Variants in CNTN3 observed in about 807,000 individuals in gnomAD.
CNTN3 encodes the protein contactin 3, also known as contactin-3.
Under a neutral mutation model 119.1 loss-of-function variants are expected in CNTN3, and 60 were observed. The observed-to-expected ratio is 0.50, with a 90% CI of 0.41 to 0.62. The LOEUF is 0.62. CNTN3 is among the 20% of genes least tolerant of loss of function. The probability of loss-of-function intolerance (pLI) is 0.00; values close to 1 mark genes in which losing one functional copy is unlikely to be tolerated. For missense variants in CNTN3, 1,101 were observed against 1,242.4 expected (o/e 0.89, Z 1.71); for synonymous variants, 450 against 438.7 (o/e 1.03, Z -0.32).
chr3:74,568,118 G>A (rs1368893787), intron 1 of CNTN3, among the ~76,000 whole-genome samples: 1 of 152,020 alleles, frequency 6.6e-6, no homozygotes, highest in Admixed American at 6.6e-5. Context: ...GATTCCCAGT[G>A]GGTCCAATTC....
rs58176286 is a variant in CNTN3, at chr3:74,488,214, G to A, written c.183-1583C>T. Among the ~76,000 whole-genome samples the A allele has an allele frequency of 9.9e-3, 1,498 of 151,944 alleles. 22 individuals carry two copies. The highest frequency in any genetic ancestry group is 0.033 in the African/African-American group (1,386 of 41,476). ...GGCAAGCTCTGCCTCCTGAGCTCAC[G>A]CCATTCTCCTGCCTCAGCCTCCAGA... On this transcript the variant is annotated intron_variant, in intron 3 of 22. Coordinates refer to ENST00000263665, the MANE Select transcript of CNTN3 (RefSeq NM_020872.3).
chr3:74,286,701 T>C (rs2106785586), intron 19 of CNTN3, among the ~76,000 whole-genome samples: 2 of 152,318 alleles, frequency 1.3e-5, no homozygotes, highest in African/African-American at 4.8e-5. Flanking sequence ...AATTTTCCTA[T>C]TGCAAATTCA....
intron 4 of CNTN3, among the ~76,000 whole-genome samples, chr3:74,458,864 C>T (rs535516591): frequency 1.3e-5 from 2 of 152,046 alleles, no homozygotes; most frequent in African/African-American, 2.4e-5. Flanking sequence ...CTGGTCTGTT[C>T]GGTTCCAAAG....
intron 4 of CNTN3, among the ~76,000 whole-genome samples, chr3:74,430,506 G>A (rs550728919): frequency 6.6e-6 from 1 of 152,302 alleles, no homozygotes; most frequent in South Asian, 2.1e-4. Flanking sequence ...AACTCCAGAG[G>A]CTGAGGTAGG....
chr3:74,504,863 C>T (rs374883994), intron 2 of CNTN3, among the ~76,000 whole-genome samples: 15 of 152,058 alleles, frequency 9.9e-5, no homozygotes, highest in African/African-American at 3.6e-4. Context: ...TATTCATTTT[C>T]TAGGGTTGCT....
At chr3:74,423,762 C>A (rs943903953) in intron 5 of CNTN3, among the ~76,000 whole-genome samples, 6 of 152,160 alleles carry the variant, frequency 3.9e-5, no homozygotes, top group East Asian at 1.9e-4. Context: ...ACAATTTAAA[C>A]CCACAGCAGA....
At chr3:74,352,940 G>A (rs1469907653) in intron 11 of CNTN3, among the ~76,000 whole-genome samples, 1 of 151,760 alleles carries the variant, frequency 6.6e-6, no homozygotes, top group Non-Finnish European at 1.5e-5. Context: ...GGTAGACCAC[G>A]GATGTAGAAG....
intron 11 of CNTN3, among the ~76,000 whole-genome samples, chr3:74,356,969 G>A (rs1294154618): frequency 6.6e-6 from 1 of 152,096 alleles, no homozygotes; most frequent in Non-Finnish European, 1.5e-5. Context: ...TGTCGCCCAG[G>A]CTGGAGTGCA....
At chr3:74,595,379 C>G (rs1240048240) in intron 1 of CNTN3, among the ~76,000 whole-genome samples, 15 of 151,902 alleles carry the variant, frequency 9.9e-5, no homozygotes, top group African/African-American at 3.6e-4. Context: ...ATGCCTATGT[C>G]CTGAATGGTA....
chr3:74,357,763 A>C (rs1297370897), intron 11 of CNTN3, among the ~76,000 whole-genome samples: 1 of 152,134 alleles, frequency 6.6e-6, no homozygotes, highest in Non-Finnish European at 1.5e-5. Flanking sequence ...CGACAAGTCC[A>C]AATTAACCAC....
At chr3:74,275,879 C>G (rs1701869417) in intron 20 of CNTN3, among the ~76,000 whole-genome samples, 1 of 152,094 alleles carries the variant, frequency 6.6e-6, no homozygotes, top group South Asian at 2.1e-4. Flanking sequence ...AAACAAATAT[C>G]TGCTGCCTTC....
intron 18 of CNTN3, among the ~76,000 whole-genome samples, chr3:74,296,342 C>G (rs1306046373): frequency 6.6e-6 from 1 of 152,164 alleles, no homozygotes; most frequent in African/African-American, 2.4e-5. Flanking sequence ...CCTGGATGCA[C>G]AGGTAAACAG....
intron 1 of CNTN3, among the ~76,000 whole-genome samples, chr3:74,585,698 A>T (rs182172148): frequency 2.0e-5 from 3 of 152,156 alleles, no homozygotes; most frequent in Non-Finnish European, 4.4e-5. Flanking sequence ...AATTCAAGAC[A>T]CTTAACTTGA....
chr3:74,357,119 G>T (rs1280962235), intron 11 of CNTN3, among the ~76,000 whole-genome samples: 1 of 151,814 alleles, frequency 6.6e-6, no homozygotes, highest in Non-Finnish European at 1.5e-5. Flanking sequence ...GTACAGACAG[G>T]GTTTCACCGT....
At chr3:74,293,692 C>A (rs751316406) in intron 19 of CNTN3, among the ~76,000 whole-genome samples, 2 of 152,126 alleles carry the variant, frequency 1.3e-5, no homozygotes, top group East Asian at 3.9e-4. Context: ...CCAGGCCAGT[C>A]GTGAAATCCT....
At position 74,263,479 on chromosome 3, in the gene CNTN3, G is replaced by A. The variant is rs1701613487; in HGVS notation, c.*922C>T. The A allele has an allele frequency of 1.3e-5, 2 of 151,888 alleles. No individual in the cohort carries two copies. The highest frequency in any genetic ancestry group is 4.2e-4 in the South Asian group (2 of 4,810). 9.4% of individuals were successfully genotyped at this position (151,888 alleles called of 1,614,324 possible). ...CTCTAGGTTTTAATAAAACCTGAAA[G>A]CTTATTCATAGCTGTGAAGGAAACA... On this transcript the variant is annotated 3_prime_UTR_variant, in exon 23 of 23. Coordinates refer to ENST00000263665, the MANE Select transcript of CNTN3 (RefSeq NM_020872.3).
At chr3:74,462,854 A>G (rs964666996) in intron 4 of CNTN3, among the ~76,000 whole-genome samples, 1 of 152,124 alleles carries the variant, frequency 6.6e-6, no homozygotes, top group Non-Finnish European at 1.5e-5. Flanking sequence ...AAAGACCTAC[A>G]TGTTTTTGAA....
At chr3:74,483,539 T>C (rs1177221609) in intron 4 of CNTN3, among the ~76,000 whole-genome samples, 2 of 152,076 alleles carry the variant, frequency 1.3e-5, no homozygotes, top group Non-Finnish European at 2.9e-5. Flanking sequence ...GATAAGGTAA[T>C]GTCTCCCTCT....
intron 4 of CNTN3, among the ~76,000 whole-genome samples, chr3:74,429,681 G>A (rs1701751662): frequency 6.6e-6 from 1 of 152,046 alleles, no homozygotes; most frequent in South Asian, 2.1e-4. Flanking sequence ...GAAAGCTCAA[G>A]CAAAGAGGAT....
Sources: gnomAD v4.1 joint callset for allele counts (sites outside exome capture counted in the v4.1 genomes callset) on GRCh38, gnomAD v4.1.1 for gene constraint, MANE v1.5 for transcripts, NCBI Gene and HGNC (gene_info 2026-07-23, HGNC 2026-07-21) for gene names.